CDKAL1: variants seen among roughly 807,000 people sequenced by gnomAD.
The protein encoded by CDKAL1 is CDKAL1 threonylcarbamoyladenosine tRNA methylthiotransferase.
In CDKAL1, 32 loss-of-function variants were observed where a neutral mutation model predicts 68.2. The observed-to-expected ratio is 0.47, with a 90% CI of 0.35 to 0.63. The LOEUF is 0.63. CDKAL1 is among the 30% of genes least tolerant of loss of function. The pLI is 0.00. For missense variants in CDKAL1, 606 were observed against 696.7 expected (o/e 0.87, Z 1.47); for synonymous variants, 234 against 244.3 (o/e 0.96, Z 0.39).
intron 15 of CDKAL1, among the ~76,000 whole-genome samples, chr6:21,207,383 G>A (rs558244212): frequency 2.4e-4 from 37 of 152,178 alleles, no homozygotes; most frequent in African/African-American, 5.3e-4. Context: ...AAAATTAGCC[G>A]AGTGTGATGG....
At chr6:20,800,619 CCTT>C (rs1241739768) in intron 8 of CDKAL1, 2 of 152,222 alleles carry the variant, frequency 1.3e-5, no homozygotes, top group Non-Finnish European at 2.9e-5. Context: ...AATTTGACAT[CCTT>C]CTTTTTTGAG....
chr6:21,107,191 C>T (rs181108233), intron 12 of CDKAL1, among the ~76,000 whole-genome samples: 3 of 152,088 alleles, frequency 2.0e-5, no homozygotes, highest in Non-Finnish European at 2.9e-5. Flanking sequence ...TTGTGATCCG[C>T]CCACTTCGGC....
At chr6:21,153,820 A>G (rs1776523930) in intron 13 of CDKAL1, among the ~76,000 whole-genome samples, 2 of 152,216 alleles carry the variant, frequency 1.3e-5, no homozygotes, top group African/African-American at 4.8e-5. Flanking sequence ...CCAGAAAACA[A>G]AAAATTGAGA....
intron 13 of CDKAL1, among the ~76,000 whole-genome samples, chr6:21,147,408 A>G (rs78156530): frequency 0.01 from 1,592 of 152,286 alleles, 22 homozygotes; most frequent in African/African-American, 0.028. Flanking sequence ...TGATGGGGGT[A>G]ATGGGGCCAT....
chr6:20,717,764 C>A (rs1772165509), intron 5 of CDKAL1, among the ~76,000 whole-genome samples: 1 of 152,066 alleles, frequency 6.6e-6, no homozygotes, highest in African/African-American at 2.4e-5. Context: ...TTCCCTGGGC[C>A]ACATAGGGCA....
At chr6:20,685,880 A>G (rs1472197905) in intron 5 of CDKAL1, among the ~76,000 whole-genome samples, 1 of 152,118 alleles carries the variant, frequency 6.6e-6, no homozygotes, top group Non-Finnish European at 1.5e-5. Context: ...TGAGCCATCA[A>G]GCCTGGCTCT....
At chr6:21,126,484 C>T (rs138850540) in intron 13 of CDKAL1, among the ~76,000 whole-genome samples, 106 of 152,332 alleles carry the variant, frequency 7.0e-4, no homozygotes, top group Non-Finnish European at 1.2e-3. Flanking sequence ...CCCATCTCAG[C>T]TGAGCACTCA....
intron 7 of CDKAL1, among the ~76,000 whole-genome samples, chr6:20,776,652 G>T (rs532088988): frequency 1.3e-5 from 2 of 152,128 alleles, no homozygotes; most frequent in South Asian, 2.1e-4. Flanking sequence ...TGCTTCTGTC[G>T]TGATGGCATG....
chr6:20,938,186 C>T (rs1368349660), intron 9 of CDKAL1, among the ~76,000 whole-genome samples: 1 of 151,918 alleles, frequency 6.6e-6, no homozygotes, highest in African/African-American at 2.4e-5. Flanking sequence ...TCAGATTGTC[C>T]CAGATTGGCC....
intron 11 of CDKAL1, among the ~76,000 whole-genome samples, chr6:21,053,298 G>A (rs1770641882): frequency 6.6e-6 from 1 of 152,206 alleles, no homozygotes; most frequent in African/African-American, 2.4e-5. Context: ...GCATATATCA[G>A]TAGTTGGCTC....
At chr6:21,148,632 T>C (rs1050006570) in intron 13 of CDKAL1, among the ~76,000 whole-genome samples, 8 of 152,192 alleles carry the variant, frequency 5.3e-5, no homozygotes, top group Non-Finnish European at 7.3e-5. Context: ...TTTTTCTTTT[T>C]TTTACTAGTA....
At chr6:21,036,387 C>T (rs1158038362) in intron 11 of CDKAL1, among the ~76,000 whole-genome samples, 1 of 152,066 alleles carries the variant, frequency 6.6e-6, no homozygotes, top group Non-Finnish European at 1.5e-5. Flanking sequence ...AACCTTACCA[C>T]TACTAAACCA....
At position 20,639,827 on chromosome 6, in the gene CDKAL1, C is replaced by A. The variant is rs1451247303; in HGVS notation, c.287-9466C>A. ...CTGGGATTACAGGCATGTGCCACCA[C>A]GCCCAACTAATTTTTGTATTTTTAG... On this transcript the variant is annotated intron_variant, in intron 4 of 15. Transcript: ENST00000274695. Among the ~76,000 whole-genome samples, 4 of 152,158 alleles carry A rather than the reference C, an allele frequency of 2.6e-5. No homozygotes were observed. In the South Asian group the frequency reaches 6.2e-4, roughly 24 times the overall value.
In CDKAL1 at chr6:20,620,102, G is replaced by GTTCA. The variant is rs146808993; in HGVS notation, c.287-29189_287-29186dup. On this transcript the variant is annotated intron_variant, in intron 4 of 15. Transcript: ENST00000274695. ...CCGTAGATTCTCAGTCCTATTATTA[G>GTTCA]TTCATATGTGTTGGTTAAGTGGTAA... 2.0e-4 allele frequency among the ~76,000 whole-genome samples: 31 copies of GTTCA among 152,282 alleles called. No individual in the cohort carries two copies. In the East Asian group the frequency reaches 5.8e-3, roughly 28 times the overall value.
chr6:21,017,821 A>C (rs1288746255), intron 11 of CDKAL1, among the ~76,000 whole-genome samples: 1 of 152,028 alleles, frequency 6.6e-6, no homozygotes, highest in Non-Finnish European at 1.5e-5. Context: ...AATTGTTCTT[A>C]ATTTTCTTTC....
intron 13 of CDKAL1, among the ~76,000 whole-genome samples, chr6:21,188,385 T>C (rs149616557): frequency 0.011 from 1,626 of 152,350 alleles, 25 homozygotes; most frequent in Admixed American, 0.051. Flanking sequence ...CTATTTAAGA[T>C]GCACAACCTA....
chr6:20,672,164 CTCTCCCTCTCTTTCTCTT>C (rs1275302364), intron 5 of CDKAL1, among the ~76,000 whole-genome samples: 1 of 149,762 alleles, frequency 6.7e-6, no homozygotes, highest in Non-Finnish European at 1.5e-5. Flanking sequence ...CTCCTTCTGC[CTCTCCCTCTCTTTCTCTT>C]TCTCTCTCTC....
chr6:21,135,678 T>C, intron 13 of CDKAL1: 1 of 984,312 alleles, frequency 1.0e-6, no homozygotes, highest in Non-Finnish European at 1.2e-6. Flanking sequence ...TTCTTTAAAA[T>C]TAAGGACATT....
chr6:20,884,386 C>T (rs572063669), intron 9 of CDKAL1, among the ~76,000 whole-genome samples: 6 of 152,194 alleles, frequency 3.9e-5, no homozygotes, highest in African/African-American at 1.2e-4. Context: ...GAAAAACTCA[C>T]GATTAGCATC....
Sources: gnomAD v4.1 joint callset for allele counts (sites outside exome capture counted in the v4.1 genomes callset) on GRCh38, gnomAD v4.1.1 for gene constraint, MANE v1.5 for transcripts, NCBI Gene and HGNC (gene_info 2026-07-23, HGNC 2026-07-21) for gene names.